The following CHD2 variants were observed in gnomAD, a reference collection of about 807,000 sequenced individuals.
CHD2 encodes ATP-dependent chromatin remodeler CHD2.
In CHD2, 28 loss-of-function variants were observed where a neutral mutation model predicts 243.9. The observed-to-expected ratio is 0.11, with a 90% CI of 0.09 to 0.16. CHD2 has a LOEUF of 0.16. Ranked by LOEUF, CHD2 falls within the 10% of genes least tolerant of loss-of-function variation. The pLI is 1.00. For missense variants in CHD2, 1,386 were observed against 2,209.8 expected, an observed-to-expected ratio of 0.63 and a Z score of 7.47; for synonymous variants, 775 against 779.0, an observed-to-expected ratio of 0.99 and a Z score of 0.09.
chr15:92,977,195 A>G (rs1192950472), intron 20 of CHD2, among the ~76,000 whole-genome samples: 1 of 152,146 alleles, frequency 6.6e-6, no homozygotes, highest in African/African-American at 2.4e-5. Flanking sequence ...GGTGGTGCTT[A>G]ATATTTCTCT....
intron 6 of CHD2, 134 bp from the exon 7 acceptor site, chr15:92,939,444 T>C: frequency 1.1e-6 from 1 of 933,376 alleles, no homozygotes; most frequent in Non-Finnish European, 1.6e-6. Flanking sequence ...CCCAAGAATA[T>C]GCATGTTTAA....
intron 19 of CHD2, among the ~76,000 whole-genome samples, chr15:92,974,203 A>G (rs1046076918): frequency 2.6e-5 from 4 of 152,216 alleles, no homozygotes; most frequent in African/African-American, 4.8e-5. Flanking sequence ...TGGTTTCTCT[A>G]TGGTGACATT....
intron 35 of CHD2, among the ~76,000 whole-genome samples, chr15:93,009,615 A>G (rs918590712): frequency 6.6e-6 from 1 of 152,212 alleles, no homozygotes; most frequent in Admixed American, 6.5e-5. Context: ...TAAGCCTACA[A>G]GGGGCAAAAA....
At position 92,967,483 on chromosome 15, in the gene CHD2, A is replaced by C. The variant is rs774653031; in HGVS notation, c.2159A>C (p.Glu720Ala). The C allele has an allele frequency of 6.2e-7, 1 of 1,613,898 alleles. No homozygotes were observed. The highest frequency in any genetic ancestry group is 1.7e-5 in the Admixed American group (1 of 60,000). The stretch of plus-strand genomic sequence containing the variant: ...AAAGTGGAACAGATTCTCAGGGTGG[A>C]GATGTCAGCCCTTCAGAAACAGTAT... The part of the protein sequence containing the change: ...PAKVEQILRV[E>A]MSALQKQYYK... Residue 720 changes from glutamate (E) to alanine (A), a missense_variant, in exon 17 of 39, where the codon GAG becomes GCG. This residue lies in a region of CHD2 where 118 missense variants were observed against 266.3 expected (regional missense o/e 0.44). Transcript: ENST00000394196.
chr15:93,001,732 G>T lies in CHD2; in HGVS notation c.4138-445G>T, dbSNP rs999391354. On this transcript the variant is annotated intron_variant, in intron 32 of 38. Coordinates refer to ENST00000394196, the MANE Select transcript of CHD2 (RefSeq NM_001271.4). ...GGGTTTCACCATGTTGGCCAGGCTG[G>T]TGTCAAACTCCTGACCTCAGGTGAC... Among the ~76,000 whole-genome samples the T allele has an allele frequency of 3.3e-5, 5 of 152,072 alleles. No homozygotes were observed. In the South Asian group the frequency reaches 6.2e-4, roughly 19 times the overall value.
intron 2 of CHD2, 31 bp downstream of exon 2, chr15:92,901,330 CT>C (rs769211092): frequency 9.2e-4 from 1,304 of 1,416,818 alleles, no homozygotes; most frequent in South Asian, 1.6e-3. Flanking sequence ...TCCTTTTTGT[CT>C]TTTTTTTTGG....
chr15:93,009,979 AC>A (rs1212833049), intron 35 of CHD2, among the ~76,000 whole-genome samples: 3 of 152,120 alleles, frequency 2.0e-5, no homozygotes, highest in African/African-American at 7.2e-5. Context: ...TGCACCCATC[AC>A]CCGAGCAGTG....
In CHD2 at chr15:93,020,132, G is replaced by A. The variant is rs150951454; in HGVS notation, c.5027G>A (p.Gly1676Glu). Residue 1676 changes from glycine (G) to glutamate (E), a missense_variant, in exon 38 of 39, where the codon GGG (glycine) becomes GAG (glutamate). Gly to Glu is a moderately conservative substitution (Grantham distance 98). Transcript: ENST00000394196. ...EQHWYKDHHY[G>E]DRRHMDAHRS... ...CACTGGTACAAGGACCACCATTATG[G>A]GGACCGGCGACATATGGATGCCCAC... The A allele has an allele frequency of 3.7e-5, 60 of 1,613,896 alleles. No homozygotes were observed. Among genetic ancestry groups the A allele is most frequent in the Middle Eastern group, 3.3e-4 (2 of 6,084 alleles).
intron 36 of CHD2, 75 bp from the exon 37 acceptor site, chr15:93,014,621 G>C: frequency 7.5e-7 from 1 of 1,328,464 alleles, no homozygotes; most frequent in East Asian, 2.3e-5. Context: ...GCTGTTTAGA[G>C]GTGATAGCCT....
At chr15:93,021,175 G>C (rs1172118056) in intron 38 of CHD2, 2 of 152,086 alleles carry the variant, frequency 1.3e-5, no homozygotes, top group Non-Finnish European at 2.9e-5. Context: ...AGTAGTTTTT[G>C]CTGAGTGTAT....
intron 2 of CHD2, among the ~76,000 whole-genome samples, chr15:92,921,732 A>G (rs2052959890): frequency 6.6e-6 from 1 of 152,156 alleles, no homozygotes; most frequent in Non-Finnish European, 1.5e-5. Context: ...TTTGGCATTT[A>G]TAGGGCACTG....
At chr15:92,987,295 A>T (rs2054055688) in intron 26 of CHD2, among the ~76,000 whole-genome samples, 1 of 152,176 alleles carries the variant, frequency 6.6e-6, no homozygotes, top group African/African-American at 2.4e-5. Flanking sequence ...TGGGTATTTG[A>T]AATTTTAAAA....
chr15:93,018,434 C>T (rs1415884377), intron 37 of CHD2, among the ~76,000 whole-genome samples: 2 of 152,196 alleles, frequency 1.3e-5, no homozygotes, highest in African/African-American at 4.8e-5. Flanking sequence ...AGTAGAGACA[C>T]TTATTTGGTG....
intron 17 of CHD2, among the ~76,000 whole-genome samples, chr15:92,970,970 A>T (rs2053833652): frequency 6.6e-6 from 1 of 152,240 alleles, no homozygotes; most frequent in Admixed American, 6.5e-5. Context: ...TTCTCCTCCA[A>T]ATTTGGGTAG....
chr15:92,949,879 G>A (rs1242874505), intron 13 of CHD2, among the ~76,000 whole-genome samples: 1 of 152,196 alleles, frequency 6.6e-6, no homozygotes, highest in Non-Finnish European at 1.5e-5. Flanking sequence ...GAAAAGCAGA[G>A]GTTTTTATCC....
intron 2 of CHD2, among the ~76,000 whole-genome samples, chr15:92,920,484 T>C (rs564629813): frequency 3.7e-4 from 57 of 152,332 alleles, no homozygotes; most frequent in African/African-American, 1.3e-3. Flanking sequence ...GATGCGGGCA[T>C]TGGCATTCCA....
intron 2 of CHD2, chr15:92,904,858 C>T (rs1354701164): frequency 6.6e-7 from 1 of 1,525,616 alleles, no homozygotes; most frequent in East Asian, 2.5e-5. Context: ...GAGGCGGATA[C>T]TTTTATTTTA....
chr15:92,966,066 C>CTTTTTTTTTTTTTTTTTTTT, intron 16 of CHD2, among the ~76,000 whole-genome samples: 1 of 132,930 alleles, frequency 7.5e-6, no homozygotes, highest in Non-Finnish European at 1.6e-5. Context: ...TTTTTCTTTT[C>CTTTTTTTTTTTTTTTTTTTT]TTTTTTTTTT....
intron 26 of CHD2, among the ~76,000 whole-genome samples, chr15:92,991,088 C>T (rs2054114033): frequency 2.0e-5 from 3 of 152,086 alleles, no homozygotes; most frequent in Admixed American, 6.6e-5. Flanking sequence ...GAACTGAATA[C>T]GCTGATGAAA....
Sources: gnomAD v4.1 joint callset for allele counts (sites outside exome capture counted in the v4.1 genomes callset) on GRCh38, gnomAD v4.1.1 for gene constraint, gnomAD v4.1.1 regional missense constraint, MANE v1.5 for transcripts, NCBI Gene and HGNC (gene_info 2026-07-23, HGNC 2026-07-21) for gene names.